Variants in SCN3A observed in about 807,000 individuals in gnomAD.
SCN3A encodes the protein sodium voltage-gated channel alpha subunit 3.
A neutral mutation model predicts 187.6 loss-of-function variants in SCN3A; 60 were observed. The observed-to-expected ratio is 0.32, with a 90% CI of 0.26 to 0.40. The LOEUF (loss-of-function observed/expected upper bound fraction) is 0.40. Ranked by LOEUF, SCN3A falls within the 10% of genes least tolerant of loss-of-function variation. SCN3A has a pLI of 1.00. For missense variants in SCN3A, 1,601 were observed against 2,428.2 expected, an observed-to-expected ratio of 0.66 and a Z score of 7.16; for synonymous variants, 788 against 829.2, an observed-to-expected ratio of 0.95 and a Z score of 0.85.
In SCN3A at chr2:165,090,122, G is replaced by T. The variant is rs1685004689; in HGVS notation, c.*28C>A. 6.4e-7 allele frequency: 1 copy of T among 1,555,280 alleles called. No individual in the cohort carries two copies. The highest frequency in any genetic ancestry group is 1.2e-5 in the South Asian group (1 of 84,938). The stretch of plus-strand genomic sequence containing the variant: ...TTACCTTCATAGGCTGTAAACAATT[G>T]ATCACAAAGATAATTCTTTGTTTCT... On this transcript the variant is annotated 3_prime_UTR_variant, in exon 28 of 28. Transcript: ENST00000283254. This position sits in a 1 kb window ranked among gnomAD's most constrained non-coding sequence, Gnocchi z 4.0.
chr2:165,100,511 C>G (rs1685554241), intron 21 of SCN3A, 87 bp from the exon 22 acceptor site: 1 of 1,372,338 alleles, frequency 7.3e-7, no homozygotes, highest in African/African-American at 1.4e-5. Flanking sequence ...TTAATGCAGA[C>G]TAAATACTAA....
rs1392901646 is a variant in SCN3A, at chr2:165,158,214, T to C, written c.1032-2311A>G. Among the ~76,000 whole-genome samples the C allele has an allele frequency of 7.8e-5, 11 of 140,366 alleles. 3 individuals are homozygous for C. The highest frequency in any genetic ancestry group is 2.3e-4 in the African/African-American group (8 of 35,160). The allele number at this position is 140,366 out of a possible 152,430, so 92.1% of individuals were successfully genotyped here. Reference sequence around the variant, plus strand: ...TCAGGATTGTTAATCTATACTACCATTGGAAACAACTTTATCAACTAGGGT... The same window carrying C: ...TCAGGATTGTTAATCTATACTACCACTGGAAACAACTTTATCAACTAGGGT... On this transcript the variant is annotated intron_variant, in intron 9 of 27. Transcript: ENST00000283254.
intron 12 of SCN3A, among the ~76,000 whole-genome samples, chr2:165,145,327 T>C (rs1196223990): frequency 1.3e-5 from 2 of 151,868 alleles, no homozygotes; most frequent in African/African-American, 4.8e-5. Flanking sequence ...AAAAAAAATC[T>C]GATCTGAGGA....
chr2:165,134,944 G>A (rs552977207), intron 15 of SCN3A, among the ~76,000 whole-genome samples: 91 of 151,604 alleles, frequency 6.0e-4, no homozygotes, highest in Non-Finnish European at 1.1e-3. Flanking sequence ...CTAAATTTAC[G>A]CTTATCTAAA....
intron 12 of SCN3A, among the ~76,000 whole-genome samples, chr2:165,141,802 C>A (rs950507259): frequency 1.3e-5 from 2 of 152,304 alleles, no homozygotes; most frequent in South Asian, 4.1e-4. Flanking sequence ...TATAACATGA[C>A]TTCACCAGCA....
At chr2:165,187,348 C>G (rs1362682473) in intron 1 of SCN3A, among the ~76,000 whole-genome samples, 1 of 152,198 alleles carries the variant, frequency 6.6e-6, no homozygotes. Context: ...TGTCATACTT[C>G]TTTCCGCTAT....
At position 165,127,905 on chromosome 2, in the gene SCN3A, T is replaced by C; in HGVS notation, c.3119A>G (p.His1040Arg). The C allele has an allele frequency of 6.2e-7, 1 of 1,614,188 alleles. No individual in the cohort carries two copies. Among genetic ancestry groups the C allele is most frequent in the Non-Finnish European group, 8.5e-7 (1 of 1,180,038 alleles). Residue 1040 changes from histidine (H) to arginine (R), a missense_variant, in exon 18 of 28, where the codon CAT (histidine) becomes CGT (arginine). Coordinates refer to ENST00000283254, the MANE Select transcript of SCN3A (RefSeq NM_006922.4). ...FFRKPKVIEI[H>R]EGNKIDSCMS... The stretch of plus-strand genomic sequence containing the variant: ...GCAGCTGTCTATCTTATTGCCTTCA[T>C]GGATTTCTATAACTTTTGGCTTTCT...
chr2:165,140,958 C>A lies in SCN3A; in HGVS notation c.1712G>T (p.Arg571Leu), dbSNP rs765013479. 1 of 1,613,822 alleles carries A rather than the reference C, an allele frequency of 6.2e-7. No homozygotes were observed. Among genetic ancestry groups the A allele is most frequent in the East Asian group, 2.2e-5 (1 of 44,868 alleles). The change falls in exon 13 of 28, where the codon CGC becomes CTC. Residue 571 changes from arginine to leucine, a missense_variant. By Grantham distance (102) the Arg-to-Leu change is moderately radical. This residue lies in a region of SCN3A where 376 missense variants were observed against 476.0 expected (regional missense o/e 0.79). Transcript: ENST00000283254. This position sits in a 1 kb window ranked among gnomAD's most constrained non-coding sequence, Gnocchi z 4.2. ...ACTGAAAATGCTTGTTTTGCTATTG[C>A]GTCTTGGGGAAAACAGGGAGCCACG... ...SIRGSLFSPR[R>L]NSKTSIFSFR... is the part of the protein sequence containing the mutation.
chr2:165,097,153 G>T, intron 23 of SCN3A, 99 bp downstream of exon 23: 2 of 1,339,968 alleles, frequency 1.5e-6, no homozygotes, highest in Non-Finnish European at 2.1e-6. Flanking sequence ...TTTTTTTCAT[G>T]CTGTCAAATG....
intron 1 of SCN3A, among the ~76,000 whole-genome samples, chr2:165,196,586 G>A (rs1298754935): frequency 6.6e-6 from 1 of 152,096 alleles, no homozygotes; most frequent in Non-Finnish European, 1.5e-5. Flanking sequence ...AGCAACTGGG[G>A]TGTTAACCCA....
chr2:165,152,963 G>A (rs1688778146), intron 11 of SCN3A, among the ~76,000 whole-genome samples: 1 of 136,440 alleles, frequency 7.3e-6, no homozygotes, highest in Admixed American at 7.5e-5. Context: ...AACTCATACA[G>A]AACTACAAGG....
chr2:165,180,816 C>T (rs1358468565), intron 2 of SCN3A, among the ~76,000 whole-genome samples: 2 of 151,996 alleles, frequency 1.3e-5, no homozygotes, highest in Non-Finnish European at 2.9e-5. Flanking sequence ...CAGTATGAAG[C>T]GTGGACAGGC....
At chr2:165,138,220 A>T (rs1212452551) in intron 14 of SCN3A, 103 bp from the exon 15 acceptor site, 5 of 833,090 alleles carry the variant, frequency 6.0e-6, no homozygotes, top group Non-Finnish European at 1.0e-5. Context: ...TTATATTTGA[A>T]AATAGAAGTT....
At chr2:165,138,554 T>G (rs1027584279) in intron 14 of SCN3A, among the ~76,000 whole-genome samples, 1 of 152,208 alleles carries the variant, frequency 6.6e-6, no homozygotes, top group Non-Finnish European at 1.5e-5. Flanking sequence ...TTCTCTCCTC[T>G]CATAGTTTCC....
intron 9 of SCN3A, 45 bp from the exon 10 acceptor site, chr2:165,155,948 G>A (rs368185080): frequency 1.2e-6 from 2 of 1,609,330 alleles, no homozygotes; most frequent in Middle Eastern, 1.6e-4. Flanking sequence ...AGAAATTACA[G>A]CAATTTCAAT....
At chr2:165,097,898 T>G (rs1027825689) in intron 22 of SCN3A, among the ~76,000 whole-genome samples, 1 of 152,170 alleles carries the variant, frequency 6.6e-6, no homozygotes, top group Admixed American at 6.5e-5. Context: ...TGTTAATGAA[T>G]GAATGATAAT....
chr2:165,139,802 A>G (rs1687893367), intron 13 of SCN3A, 194 bp from the exon 14 acceptor site: 1 of 612,108 alleles, frequency 1.6e-6, no homozygotes, highest in Non-Finnish European at 2.8e-6. Flanking sequence ...GTACTCTTTA[A>G]GAGGAATTCA....
chr2:165,110,112 C>G (rs1686048281), intron 21 of SCN3A, among the ~76,000 whole-genome samples: 1 of 152,174 alleles, frequency 6.6e-6, no homozygotes, highest in Non-Finnish European at 1.5e-5. Context: ...CAGTAATTTA[C>G]CAGCCTAGTA....
intron 12 of SCN3A, among the ~76,000 whole-genome samples, chr2:165,142,870 C>G (rs1012455506): frequency 6.6e-6 from 1 of 151,446 alleles, no homozygotes; most frequent in African/African-American, 2.4e-5. Flanking sequence ...CCTGCCTTAC[C>G]CTCCTGAGTT....
Sources: allele counts gnomAD v4.1 joint callset (sites outside exome capture counted in the v4.1 genomes callset), GRCh38; gene constraint gnomAD v4.1.1; regional missense constraint gnomAD v4.1.1; non-coding constraint Gnocchi (gnomAD v3.1); transcripts MANE v1.5; gene names NCBI Gene and HGNC (gene_info 2026-07-23, HGNC 2026-07-21).